GALNTL5: variants seen among roughly 807,000 people sequenced by gnomAD.
GALNTL5 encodes inactive polypeptide N-acetylgalactosaminyltransferase-like protein 5.
In GALNTL5, 44 loss-of-function variants were observed where a neutral mutation model predicts 51.0. The ratio of observed to expected loss-of-function variants is 0.86; its 90% confidence interval spans 0.68 to 1.11. The LOEUF is 1.11. Ranked by LOEUF, GALNTL5 falls within the 50% of genes least tolerant of loss-of-function variation. The probability of loss-of-function intolerance (pLI) is 0.00; values close to 1 mark genes in which losing one functional copy is unlikely to be tolerated. For missense variants in GALNTL5, 528 were observed against 531.8 expected (o/e 0.99, Z 0.07); for synonymous variants, 192 against 182.8 (o/e 1.05, Z -0.41).
intron 5 of GALNTL5, among the ~76,000 whole-genome samples, chr7:151,998,711 G>T (rs1169160954): frequency 6.7e-6 from 1 of 148,958 alleles, no homozygotes; most frequent in African/African-American, 2.5e-5. Flanking sequence ...GGTGAATGTT[G>T]CAGTGAGCTG....
chr7:151,964,599 G>A (rs1302457641), intron 1 of GALNTL5, among the ~76,000 whole-genome samples: 7 of 152,130 alleles, frequency 4.6e-5, no homozygotes, highest in African/African-American at 1.2e-4. Context: ...CCCCAGCCAC[G>A]TGGAACTGTA....
At position 152,002,850 on chromosome 7, in the gene GALNTL5, G is replaced by T. The variant is rs1793989522; in HGVS notation, c.795G>T (p.Glu265Asp). The T allele has an allele frequency of 6.2e-7, 1 of 1,614,032 alleles. No homozygotes were observed. The highest frequency in any genetic ancestry group is 1.7e-5 in the Admixed American group (1 of 59,988). ...ATGTCATTGATGATAGAACTCTGGA[G>T]TATAAGCCCTCTCCTCTTGTAAGGG... is the stretch of plus-strand genomic sequence containing the variant. ...LIDVIDDRTL[E>D]YKPSPLVRGT... Residue 265 changes from glutamate (E) to aspartate (D), a missense_variant, in exon 6 of 9, where the codon GAG (glutamate) becomes GAT (aspartate). Physicochemically the swap from Glu to Asp is conservative, Grantham distance 45 (BLOSUM62 2). Transcript: ENST00000392800.
At chr7:151,996,497 T>TG (rs2081502444) in intron 5 of GALNTL5, among the ~76,000 whole-genome samples, 1 of 152,202 alleles carries the variant, frequency 6.6e-6, no homozygotes, top group Non-Finnish European at 1.5e-5. Context: ...CCCAGTGCTT[T>TG]GGGAGGCTGA....
At chr7:151,979,602 G>C (rs1487218222) in intron 3 of GALNTL5, among the ~76,000 whole-genome samples, 1 of 151,768 alleles carries the variant, frequency 6.6e-6, no homozygotes, top group Non-Finnish European at 1.5e-5. Flanking sequence ...TGGGATTACA[G>C]GCACCCGCCA....
intron 5 of GALNTL5, among the ~76,000 whole-genome samples, chr7:152,002,054 C>T (rs113928810): frequency 1.3e-5 from 2 of 152,000 alleles, no homozygotes; most frequent in African/African-American, 2.4e-5. Context: ...CTGAGGTGGG[C>T]GGATCACCTG....
chr7:151,992,218 A>G (rs1447035255), intron 5 of GALNTL5, among the ~76,000 whole-genome samples: 2 of 150,764 alleles, frequency 1.3e-5, no homozygotes, highest in African/African-American at 4.9e-5. Context: ...AATGTTGATT[A>G]GAAGTGGCGG....
chr7:152,012,137 T>G (rs1356083142), intron 7 of GALNTL5, among the ~76,000 whole-genome samples: 3 of 152,204 alleles, frequency 2.0e-5, no homozygotes, highest in Non-Finnish European at 4.4e-5. Flanking sequence ...TACCTCTGCA[T>G]GCATGATGTG....
At chr7:151,997,461 T>G (rs1055941782) in intron 5 of GALNTL5, among the ~76,000 whole-genome samples, 13 of 152,230 alleles carry the variant, frequency 8.5e-5, no homozygotes, top group African/African-American at 2.9e-4. Context: ...ACTACTACTT[T>G]GCTCTCCTTA....
chr7:151,996,590 C>A (rs2081503421), intron 5 of GALNTL5, among the ~76,000 whole-genome samples: 1 of 151,870 alleles, frequency 6.6e-6, no homozygotes, highest in Admixed American at 6.6e-5. Flanking sequence ...AATAAATGAA[C>A]AAATAAAAAT....
At chr7:151,966,472 T>C (rs145051567) in intron 1 of GALNTL5, among the ~76,000 whole-genome samples, 1,735 of 152,246 alleles carry the variant, frequency 0.011, 33 homozygotes, top group African/African-American at 0.04. Flanking sequence ...TTTCACCATA[T>C]TGGCCAAGCT....
chr7:151,957,625 C>T (rs1195493345), intron 1 of GALNTL5, among the ~76,000 whole-genome samples: 5 of 151,106 alleles, frequency 3.3e-5, no homozygotes, highest in Non-Finnish European at 5.9e-5. Context: ...AGGGTTTTGG[C>T]GTGTTGGTGG....
chr7:151,999,218 T>C (rs369065945), intron 5 of GALNTL5, among the ~76,000 whole-genome samples: 5 of 152,356 alleles, frequency 3.3e-5, no homozygotes, highest in East Asian at 1.9e-4. Flanking sequence ...TTTTTTATGG[T>C]TGAATAATAT....
chr7:152,010,103 A>G (rs1295066245), intron 7 of GALNTL5, among the ~76,000 whole-genome samples: 4 of 151,842 alleles, frequency 2.6e-5, no homozygotes, highest in African/African-American at 9.7e-5. Context: ...AGTGGCACAC[A>G]ATACGAAAGT....
chr7:152,009,846 A>T (rs2081705750), intron 7 of GALNTL5, among the ~76,000 whole-genome samples: 1 of 152,358 alleles, frequency 6.6e-6, no homozygotes, highest in Admixed American at 6.5e-5. Context: ...TACTTGCATC[A>T]GTCCCCATGG....
At chr7:151,962,386 C>A (rs188244649) in intron 1 of GALNTL5, among the ~76,000 whole-genome samples, 31 of 142,366 alleles carry the variant, frequency 2.2e-4, no homozygotes, top group African/African-American at 7.4e-4. Context: ...ACATGACCTC[C>A]ATTTCTTCTA....
intron 1 of GALNTL5, among the ~76,000 whole-genome samples, chr7:151,958,662 C>A (rs1193249654): frequency 6.6e-6 from 1 of 152,194 alleles, no homozygotes; most frequent in East Asian, 1.9e-4. Context: ...GCCCTACCAC[C>A]ACTTCCCATG....
intron 2 of GALNTL5, among the ~76,000 whole-genome samples, chr7:151,967,807 T>C (rs995254629): frequency 2.6e-5 from 4 of 152,078 alleles, no homozygotes; most frequent in Non-Finnish European, 2.9e-5. Context: ...CCCTCAGAGG[T>C]TGTCTGACCT....
intron 2 of GALNTL5, among the ~76,000 whole-genome samples, chr7:151,968,899 C>G (rs1198772824): frequency 6.6e-6 from 1 of 152,180 alleles, no homozygotes; most frequent in South Asian, 2.1e-4. Context: ...TTTTCATGTG[C>G]TTGATAACCA....
intron 3 of GALNTL5, among the ~76,000 whole-genome samples, chr7:151,972,169 G>A (rs762571199): frequency 4.6e-5 from 7 of 152,202 alleles, no homozygotes; most frequent in Non-Finnish European, 1.0e-4. Flanking sequence ...TTGTTGAATG[G>A]CTTTGGTAAA....
Sources: gnomAD v4.1 joint callset for allele counts (sites outside exome capture counted in the v4.1 genomes callset) on GRCh38, gnomAD v4.1.1 for gene constraint, MANE v1.5 for transcripts, NCBI Gene and HGNC (gene_info 2026-07-23, HGNC 2026-07-21) for gene names.